HMGCLL1: variants seen among roughly 807,000 people sequenced by gnomAD.
The protein encoded by HMGCLL1 is 3-hydroxy-3-methylglutaryl-CoA lyase like 1.
A neutral mutation model predicts 39.1 loss-of-function variants in HMGCLL1; 36 were observed. The ratio of observed to expected loss-of-function variants is 0.92; its 90% confidence interval spans 0.71 to 1.22. HMGCLL1 has a LOEUF of 1.22. Ranked by LOEUF, HMGCLL1 falls within the 50% of genes most tolerant of loss-of-function variation. The probability of loss-of-function intolerance (pLI) is 0.00; values close to 1 mark genes in which losing one functional copy is unlikely to be tolerated. For synonymous variants in HMGCLL1, 149 were observed against 144.0 expected, an observed-to-expected ratio of 1.03 and a Z score of -0.25; for missense variants, 451 against 416.5, an observed-to-expected ratio of 1.08 and a Z score of -0.72.
chr6:55,464,184 A>G, intron 7 of HMGCLL1, among the ~76,000 whole-genome samples: 1 of 152,322 alleles, frequency 6.6e-6, no homozygotes, highest in African/African-American at 2.4e-5. Context: ...ATATCAACTG[A>G]AAGCATAATT....
At chr6:55,628,864 T>C in the HMGCLL1 span, among the ~76,000 whole-genome samples, 1 of 152,188 alleles carries the variant, frequency 6.6e-6, no homozygotes, top group African/African-American at 2.4e-5. Flanking sequence ...ACTTGACTTG[T>C]TCCTCTTTGT....
At chr6:55,541,917 A>G in intron 2 of HMGCLL1, 81 bp from the exon 3 acceptor site, 1 of 950,832 alleles carries the variant, frequency 1.1e-6, no homozygotes, top group South Asian at 1.6e-5. Context: ...CCTAAGTCAA[A>G]GTGAGTATTA....
intron 8 of HMGCLL1, among the ~76,000 whole-genome samples, chr6:55,438,028 T>A (rs1763439212): frequency 6.6e-6 from 1 of 151,994 alleles, no homozygotes; most frequent in Non-Finnish European, 1.5e-5. Context: ...GATGTTGAAA[T>A]TTTTAGGAAT....
chr6:55,499,173 C>A, intron 6 of HMGCLL1, 63 bp downstream of exon 6: 1 of 1,271,292 alleles, frequency 7.9e-7, no homozygotes, highest in Admixed American at 2.1e-5. Context: ...TTAAGAAAGC[C>A]CCCTTTTAAA....
At chr6:55,510,341 C>T (rs186734299) in intron 5 of HMGCLL1, among the ~76,000 whole-genome samples, 162 of 151,810 alleles carry the variant, frequency 1.1e-3, no homozygotes, top group African/African-American at 3.6e-3. Context: ...CACATGCACA[C>T]GTATGTTTAT....
At chr6:55,447,204 A>G (rs1763891591) in intron 7 of HMGCLL1, among the ~76,000 whole-genome samples, 1 of 151,980 alleles carries the variant, frequency 6.6e-6, no homozygotes, top group Non-Finnish European at 1.5e-5. Flanking sequence ...AATAGATACT[A>G]TATGAGCTAC....
intron 1 of HMGCLL1, among the ~76,000 whole-genome samples, chr6:55,575,995 A>G (rs1431610714): frequency 1.3e-5 from 2 of 152,214 alleles, no homozygotes; most frequent in Non-Finnish European, 2.9e-5. Flanking sequence ...TGTTCATTCA[A>G]AAAGTATTAT....
the HMGCLL1 span, among the ~76,000 whole-genome samples, chr6:55,588,471 A>G: frequency 6.6e-6 from 1 of 152,122 alleles, no homozygotes; most frequent in Non-Finnish European, 1.5e-5. Context: ...TAAAATTGAC[A>G]CCCTAACATC....
chr6:55,572,207 T>A (rs12192213), intron 1 of HMGCLL1, among the ~76,000 whole-genome samples: 78,774 of 151,794 alleles, frequency 0.52, 20,871 homozygotes, highest in African/African-American at 0.62. Context: ...AATGTACCCA[T>A]ATCAGAAAGA....
At chr6:55,597,067 G>A in the HMGCLL1 span, among the ~76,000 whole-genome samples, 1 of 123,136 alleles carries the variant, frequency 8.1e-6, no homozygotes, top group African/African-American at 2.7e-5. Flanking sequence ...CCAAATATGT[G>A]TATCATTCGC....
chr6:55,563,788 T>G, intron 1 of HMGCLL1: 2 of 893,072 alleles, frequency 2.2e-6, no homozygotes, highest in Non-Finnish European at 3.2e-6. Context: ...TCAAACAGTT[T>G]GAGAAGTTGT....
chr6:55,521,368 ACCTAG>A (rs763717742), intron 3 of HMGCLL1, among the ~76,000 whole-genome samples: 59 of 152,148 alleles, frequency 3.9e-4, no homozygotes, highest in Non-Finnish European at 7.2e-4. Flanking sequence ...GCTACAGCAG[ACCTAG>A]CTTTATTCAG....
At chr6:55,505,775 T>A (rs1767124133) in intron 5 of HMGCLL1, among the ~76,000 whole-genome samples, 1 of 151,808 alleles carries the variant, frequency 6.6e-6, no homozygotes, top group African/African-American at 2.4e-5. Context: ...CCTGTGAGGT[T>A]AATTTATCTG....
intron 7 of HMGCLL1, among the ~76,000 whole-genome samples, chr6:55,475,158 TC>T (rs895946472): frequency 6.6e-6 from 1 of 151,474 alleles, no homozygotes; most frequent in Non-Finnish European, 1.5e-5. Context: ...GAATACCCTT[TC>T]CCCAGCTGGG....
At chr6:55,515,430 G>T (rs936770714) in intron 4 of HMGCLL1, among the ~76,000 whole-genome samples, 14 of 152,044 alleles carry the variant, frequency 9.2e-5, no homozygotes, top group African/African-American at 3.1e-4. Flanking sequence ...TTAGTACTAT[G>T]GATGTGCTTT....
At chr6:55,546,386 C>T (rs986356842) in intron 1 of HMGCLL1, among the ~76,000 whole-genome samples, 4 of 151,998 alleles carry the variant, frequency 2.6e-5, no homozygotes, top group Non-Finnish European at 5.9e-5. Context: ...CCTGTTTCTC[C>T]TTTTTTATTA....
the HMGCLL1 span, among the ~76,000 whole-genome samples, chr6:55,650,257 G>A: frequency 6.7e-6 from 1 of 150,038 alleles, no homozygotes; most frequent in South Asian, 2.1e-4. Context: ...TCAGTGTTTG[G>A]GCATTGAAGG....
chr6:55,642,594 G>C, the HMGCLL1 span, among the ~76,000 whole-genome samples: 2 of 152,022 alleles, frequency 1.3e-5, no homozygotes, highest in African/African-American at 4.8e-5. Context: ...TATCCTTTGT[G>C]TTACAAACAA....
intron 7 of HMGCLL1, among the ~76,000 whole-genome samples, chr6:55,469,374 T>TACAC (rs984175527): frequency 6.8e-6 from 1 of 147,236 alleles, no homozygotes; most frequent in Non-Finnish European, 1.5e-5. Flanking sequence ...TATGTACACA[T>TACAC]ACATATATAC....
Sources: allele counts gnomAD v4.1 joint callset (sites outside exome capture counted in the v4.1 genomes callset), GRCh38; gene constraint gnomAD v4.1.1; transcripts MANE v1.5; gene names NCBI Gene and HGNC (gene_info 2026-07-23, HGNC 2026-07-21).